The following TMEM44 variants were observed in gnomAD, a reference collection of about 807,000 sequenced individuals.
TMEM44 encodes the protein transmembrane protein 44.
TMEM44 carries 43 observed loss-of-function variants against 47.8 expected under a neutral mutation model. That is an observed-to-expected ratio of 0.90 (90% CI 0.70 to 1.16). The LOEUF is 1.16. Ranked by LOEUF, TMEM44 falls within the 50% of genes most tolerant of loss-of-function variation. The pLI is 0.00. For missense variants in TMEM44, 568 were observed against 555.2 expected (o/e 1.02, Z -0.23); for synonymous variants, 277 against 238.8 (o/e 1.16, Z -1.48).
intron 7 of TMEM44, among the ~76,000 whole-genome samples, chr3:194,612,111 G>A (rs570322977): frequency 4.6e-4 from 70 of 152,264 alleles, no homozygotes; most frequent in African/African-American, 1.5e-3. Context: ...AGATCTGGGT[G>A]GAGCCCCCAA....
chr3:194,612,406 G>A (rs1317462541), intron 7 of TMEM44, among the ~76,000 whole-genome samples: 1 of 152,094 alleles, frequency 6.6e-6, no homozygotes, highest in Admixed American at 6.6e-5. Context: ...CATACACCAC[G>A]ATCTTCTATT....
chr3:194,624,449 C>T (rs1716918919), intron 3 of TMEM44, among the ~76,000 whole-genome samples: 1 of 152,170 alleles, frequency 6.6e-6, no homozygotes, highest in African/African-American at 2.4e-5. Context: ...GAGACAGGGT[C>T]TCGCTGTCAC....
chr3:194,612,420 C>T (rs1533144), intron 7 of TMEM44, among the ~76,000 whole-genome samples: 57,603 of 151,980 alleles, frequency 0.38, 11,739 homozygotes, highest in East Asian at 0.78. Flanking sequence ...TTCTATTTCA[C>T]GGACTCAGTC....
Position 194,588,871 on chromosome 3 carries a change from C to G in TMEM44, c.1177-232G>C, listed in dbSNP as rs1185781980. On this transcript the variant is annotated intron_variant, in intron 9 of 9. Coordinates refer to ENST00000347147, the MANE Select transcript of TMEM44 (RefSeq NM_001011655.3). ...AACCACCCTAAACATAACAGCTTCA[C>G]TTTCCTTCCCGCCCTCATTCTCCAC... 5 of 531,278 alleles carry G rather than the reference C, an allele frequency of 9.4e-6. No homozygotes were observed. The African/African-American group carries it at 9.6e-5, about 10-fold the overall frequency. 32.9% of individuals were successfully genotyped at this position (531,278 alleles called of 1,614,324 possible). A position where few individuals can be genotyped will look rare whatever the true frequency, so the allele number is the denominator to read the frequency against.
chr3:194,594,993 C>T (rs1358822140), intron 9 of TMEM44, among the ~76,000 whole-genome samples: 1 of 152,196 alleles, frequency 6.6e-6, no homozygotes. Context: ...GGTCTCTCCT[C>T]AACCCCCCAG....
At chr3:194,624,305 G>T (rs528476421) in intron 3 of TMEM44, among the ~76,000 whole-genome samples, 1 of 151,434 alleles carries the variant, frequency 6.6e-6, no homozygotes, top group Non-Finnish European at 1.5e-5. Context: ...TGGGATTCCG[G>T]GTGTAAGCCA....
intron 9 of TMEM44, among the ~76,000 whole-genome samples, chr3:194,601,040 T>C (rs1309005034): frequency 6.6e-6 from 1 of 152,164 alleles, no homozygotes; most frequent in Non-Finnish European, 1.5e-5. Context: ...GGAGGGAGGC[T>C]GCAGCTGCTG....
chr3:194,617,454 C>T lies in TMEM44; in HGVS notation c.613-185G>A, dbSNP rs933853543. 2.6e-5 allele frequency: 19 copies of T among 738,578 alleles called. No individual in the cohort carries two copies. In the African/African-American group the frequency reaches 2.8e-4, roughly 11 times the overall value. 45.8% of individuals were successfully genotyped at this position (738,578 alleles called of 1,614,324 possible). On this transcript the variant is annotated intron_variant, in intron 5 of 9. Coordinates refer to ENST00000347147, the MANE Select transcript of TMEM44 (RefSeq NM_001011655.3). ...TCTGCCTGTCAAACTCCTACTCATC[C>T]CTCAGAACCTGGCTTCAACTTAACT...
intron 5 of TMEM44, among the ~76,000 whole-genome samples, chr3:194,618,173 G>A (rs547234178): frequency 3.3e-5 from 5 of 152,166 alleles, no homozygotes; most frequent in Admixed American, 6.6e-5. Flanking sequence ...CTGGGACCCC[G>A]ATTCTGACCC....
At position 194,623,041 on chromosome 3, in the gene TMEM44, CCCACTCT is replaced by C. The variant is rs1222254331; in HGVS notation, c.612+176_612+182del. On this transcript the variant is annotated intron_variant, in intron 5 of 9. Transcript: ENST00000347147. ...TCCTCAGGACGCCCTGGGTTGGCTGCCCACTCTCCACACACACCCCCTCCTTGCTGTC... is the reference window on the plus strand; with the variant it reads ...TCCTCAGGACGCCCTGGGTTGGCTGCCCACACACACCCCCTCCTTGCTGTC... 7 of 550,400 alleles carry C rather than the reference CCCACTCT, an allele frequency of 1.3e-5. No individual in the cohort carries two copies. The East Asian group carries it at 2.6e-4, about 20-fold the overall frequency. 34.1% of individuals were successfully genotyped at this position (550,400 alleles called of 1,614,324 possible). A position where few individuals can be genotyped will look rare whatever the true frequency, so the allele number is the denominator to read the frequency against.
chr3:194,588,450 G>A lies in TMEM44; in HGVS notation c.*79C>T, dbSNP rs867991228. On this transcript the variant is annotated 3_prime_UTR_variant, in exon 10 of 10. Coordinates refer to ENST00000347147, the MANE Select transcript of TMEM44 (RefSeq NM_001011655.3). Reference sequence around the variant, plus strand: ...AGCTTCAGTTCCTGCCGCGGTGTCAGTGCAGATTGATTCCCGCTGCGTTAC... The same window carrying A: ...AGCTTCAGTTCCTGCCGCGGTGTCAATGCAGATTGATTCCCGCTGCGTTAC... The A allele has an allele frequency of 1.8e-5, 23 of 1,290,086 alleles. No individual in the cohort carries two copies. The Middle Eastern group carries it at 1.8e-3, about 100-fold the overall frequency. The allele number at this position is 1,290,086 out of a possible 1,614,324, so 79.9% of individuals were successfully genotyped here.
chr3:194,632,119 C>A (rs971932178), intron 1 of TMEM44, among the ~76,000 whole-genome samples: 1 of 152,194 alleles, frequency 6.6e-6, no homozygotes, highest in African/African-American at 2.4e-5. Flanking sequence ...CCTCAGGGTT[C>A]CCTACAGAAA....
At position 194,623,797 on chromosome 3, in the gene TMEM44, G is replaced by A. The variant is rs709011; in HGVS notation, c.359-102C>T. 2.0e-6 allele frequency: 3 copies of A among 1,481,580 alleles called. No homozygotes were observed. The East Asian group carries it at 6.8e-5, about 34-fold the overall frequency. The allele number at this position is 1,481,580 out of a possible 1,614,324, so 91.8% of individuals were successfully genotyped here. Reference sequence around the variant, plus strand: ...TGGTGTCAGCTCCCCACATGATGCTGAAGCGGGTTCCCACATTATTCTGCA... The same window carrying A: ...TGGTGTCAGCTCCCCACATGATGCTAAAGCGGGTTCCCACATTATTCTGCA... On this transcript the variant is annotated intron_variant, in intron 3 of 9. Coordinates refer to ENST00000347147, the MANE Select transcript of TMEM44 (RefSeq NM_001011655.3).
intron 9 of TMEM44, among the ~76,000 whole-genome samples, chr3:194,598,872 G>C (rs1053776578): frequency 6.6e-6 from 1 of 151,894 alleles, no homozygotes; most frequent in African/African-American, 2.4e-5. Context: ...AAGACACAGA[G>C]TGGCTCCCAG....
chr3:194,626,057 A>G, intron 2 of TMEM44, 67 bp from the exon 3 acceptor site: 1 of 1,288,012 alleles, frequency 7.8e-7, no homozygotes, highest in Non-Finnish European at 1.1e-6. Context: ...AGAGTTTGTC[A>G]TCCGGGACCC....
intron 5 of TMEM44, among the ~76,000 whole-genome samples, chr3:194,620,107 A>G: frequency 6.6e-6 from 1 of 152,092 alleles, no homozygotes; most frequent in Non-Finnish European, 1.5e-5. Context: ...CCTGGCCAAC[A>G]TGGAGAAACC....
At chr3:194,619,155 G>A (rs1432829289) in intron 5 of TMEM44, among the ~76,000 whole-genome samples, 1 of 152,252 alleles carries the variant, frequency 6.6e-6, no homozygotes, top group Non-Finnish European at 1.5e-5. Flanking sequence ...TGCTCAGGAT[G>A]AACTGCACGG....
chr3:194,616,624 T>C (rs1560184428), intron 6 of TMEM44: 1 of 456,690 alleles, frequency 2.2e-6, no homozygotes, highest in Admixed American at 2.3e-5. Flanking sequence ...TCTTAGCGCC[T>C]GCAGACGGCG....
intron 8 of TMEM44, among the ~76,000 whole-genome samples, chr3:194,607,289 G>T (rs1449154838): frequency 6.6e-6 from 1 of 152,062 alleles, no homozygotes; most frequent in East Asian, 1.9e-4. Context: ...GCAGATGCTG[G>T]CACCACGTAA....
Sources: allele counts gnomAD v4.1 joint callset (sites outside exome capture counted in the v4.1 genomes callset), GRCh38; gene constraint gnomAD v4.1.1; transcripts MANE v1.5; gene names NCBI Gene and HGNC (gene_info 2026-07-23, HGNC 2026-07-21).